TMEM267: variants seen among roughly 807,000 people sequenced by gnomAD.
TMEM267 encodes the protein transmembrane protein 267, also known as transmembrane protein C5orf28.
A neutral mutation model predicts 19.3 loss-of-function variants in TMEM267; 20 were observed. The ratio of observed to expected loss-of-function variants is 1.04; its 90% CI spans 0.73 to 1.51. The LOEUF (loss-of-function observed/expected upper bound fraction) is 1.51. Among genes scored for constraint, TMEM267 ranks in the 40% most tolerant of loss-of-function variants. The pLI, the probability that TMEM267 is intolerant of heterozygous loss-of-function variation, is 0.00. For synonymous variants in TMEM267, 88 were observed against 90.3 expected (o/e 0.97, Z 0.15); for missense variants, 242 against 261.9 (o/e 0.92, Z 0.52).
In TMEM267 at chr5:43,445,951, A is replaced by G. The variant is rs1742210134; in HGVS notation, c.*271T>C. On this transcript the variant is annotated 3_prime_UTR_variant, in exon 3 of 3. Transcript: ENST00000397080. ...GTTAATCTAAAAGAACTACTAGTAA[A>G]GCCAGATAAATAGAAAAAAACAGTA... 5.3e-6 allele frequency: 1 copy of G among 190,090 alleles called. No homozygotes were observed. The allele number at this position is 190,090 out of a possible 1,614,324, so 11.8% of individuals were successfully genotyped here. A position where few individuals can be genotyped will look rare whatever the true frequency, so the allele number is the denominator to read the frequency against.
rs531778820 is a variant in TMEM267 at position 43,455,740 on chromosome 5, G to C, written c.-74-1697C>G. 1.6e-4 allele frequency among the ~76,000 whole-genome samples: 24 copies of C among 152,192 alleles called. No homozygotes were observed. The South Asian group carries it at 4.1e-3, about 26-fold the overall frequency. The stretch of plus-strand genomic sequence containing the variant: ...TTTTTTTGTTTGTATTTTTAGTAGA[G>C]ATGGGTTTCACCATGTTGGCCAGGC... On this transcript the variant is annotated intron_variant, in intron 1 of 2. Coordinates refer to ENST00000397080, the MANE Select transcript of TMEM267 (RefSeq NM_022483.5).
chr5:43,447,290 A>G (rs1019889344), intron 2 of TMEM267, among the ~76,000 whole-genome samples: 1 of 152,054 alleles, frequency 6.6e-6, no homozygotes, highest in African/African-American at 2.4e-5. Context: ...GGGTTTCACC[A>G]TGTTGGCCAG....
intron 2 of TMEM267, among the ~76,000 whole-genome samples, chr5:43,453,272 G>A (rs1218067078): frequency 6.6e-6 from 1 of 152,246 alleles, no homozygotes; most frequent in Non-Finnish European, 1.5e-5. Context: ...AGGGGGAAAT[G>A]TTAAGTGTGC....
At chr5:43,461,715 A>G (rs1219785507) in intron 1 of TMEM267, among the ~76,000 whole-genome samples, 1 of 152,000 alleles carries the variant, frequency 6.6e-6, no homozygotes, top group East Asian at 1.9e-4. Context: ...TGAAAAGGGG[A>G]GGGAAAAGTG....
At chr5:43,477,856 A>G (rs543268108) in intron 1 of TMEM267, among the ~76,000 whole-genome samples, 1 of 152,362 alleles carries the variant, frequency 6.6e-6, no homozygotes, top group South Asian at 2.1e-4. Flanking sequence ...GCAAGGCTGG[A>G]GAAGACAGAA....
At chr5:43,471,816 C>T (rs1744094884) in intron 1 of TMEM267, among the ~76,000 whole-genome samples, 1 of 152,100 alleles carries the variant, frequency 6.6e-6, no homozygotes, top group Admixed American at 6.6e-5. Context: ...AAACTTAAAT[C>T]TATACTTCAA....
intron 1 of TMEM267, among the ~76,000 whole-genome samples, chr5:43,468,042 A>G (rs192153225): frequency 9.2e-5 from 14 of 151,938 alleles, no homozygotes; most frequent in African/African-American, 3.4e-4. Flanking sequence ...GCCAGTGACC[A>G]AGAGACAGCT....
At chr5:43,455,918 C>A (rs1252044331) in intron 1 of TMEM267, among the ~76,000 whole-genome samples, 1 of 151,616 alleles carries the variant, frequency 6.6e-6, no homozygotes, top group African/African-American at 2.4e-5. Context: ...TCACTACACC[C>A]TTTACCTCCC....
intron 1 of TMEM267, among the ~76,000 whole-genome samples, chr5:43,463,031 T>A (rs547556757): frequency 6.6e-6 from 1 of 151,956 alleles, no homozygotes; most frequent in East Asian, 1.9e-4. Context: ...ACAAAATCGA[T>A]AGACCGCTAG....
intron 2 of TMEM267, among the ~76,000 whole-genome samples, chr5:43,447,965 T>C (rs866710603): frequency 6.6e-6 from 1 of 152,148 alleles, no homozygotes; most frequent in Middle Eastern, 3.2e-3. Flanking sequence ...GAGACACTCT[T>C]TGGAGACTGG....
chr5:43,462,377 T>C (rs1326073601), intron 1 of TMEM267, among the ~76,000 whole-genome samples: 1 of 152,092 alleles, frequency 6.6e-6, no homozygotes, highest in Admixed American at 6.6e-5. Context: ...GCCCAGACAC[T>C]GAAGAACATC....
At chr5:43,473,139 C>CAAAAAAAAAAAAAA (rs71610311) in intron 1 of TMEM267, among the ~76,000 whole-genome samples, 1 of 84,506 alleles carries the variant, frequency 1.2e-5, no homozygotes, top group African/African-American at 4.6e-5. Context: ...CTCCGTGTCA[C>CAAAAAAAAAAAAAA]AAAAAAAAAA....
intron 2 of TMEM267, among the ~76,000 whole-genome samples, chr5:43,452,553 G>A (rs549091002): frequency 4.1e-5 from 6 of 145,276 alleles, no homozygotes; most frequent in African/African-American, 1.3e-4. Flanking sequence ...ATACATACAC[G>A]TTATACAACT....
At chr5:43,453,502 G>A (rs927471708) in intron 2 of TMEM267, among the ~76,000 whole-genome samples, 156 bp downstream of exon 2, 10 of 152,208 alleles carry the variant, frequency 6.6e-5, no homozygotes, top group African/African-American at 2.2e-4. Flanking sequence ...ATGTCTGTGT[G>A]CATCTTTAGG....
chr5:43,482,414 A>T lies in TMEM267; in HGVS notation c.-75+1408T>A, dbSNP rs552079035. ...CCTAAGGGTACCCATTTTTCTTCTT[A>T]AACTTTTTATTTCCTTTTCCACTTC... is the stretch of plus-strand genomic sequence containing the variant. On this transcript the variant is annotated intron_variant, in intron 1 of 2. Transcript: ENST00000397080. 2.6e-5 allele frequency among the ~76,000 whole-genome samples: 4 copies of T among 152,178 alleles called. No homozygotes were observed. The East Asian group carries it at 7.7e-4, about 29-fold the overall frequency.
rs150588330 is a variant in TMEM267 at position 43,478,460 on chromosome 5, G to A, written c.-75+5362C>T. On this transcript the variant is annotated intron_variant, in intron 1 of 2. Transcript: ENST00000397080. Reference sequence around the variant, plus strand: ...TTCTACATAGTCCAGCTAACTAGAGGAGCCCAAAAATATTTTAAAAAATCT... The same window carrying A: ...TTCTACATAGTCCAGCTAACTAGAGAAGCCCAAAAATATTTTAAAAAATCT... Among the ~76,000 whole-genome samples, 781 of 152,144 alleles carry A rather than the reference G, an allele frequency of 5.1e-3. 7 individuals carry two copies. The highest frequency in any genetic ancestry group is 0.017 in the African/African-American group (686 of 41,516).
At chr5:43,461,422 G>C (rs1253611660) in intron 1 of TMEM267, among the ~76,000 whole-genome samples, 1 of 152,132 alleles carries the variant, frequency 6.6e-6, no homozygotes, top group Non-Finnish European at 1.5e-5. Flanking sequence ...AACTAAAGGG[G>C]ACTTTGCCTT....
Position 43,455,772 on chromosome 5 carries a change from C to T in TMEM267, c.-74-1729G>A, listed in dbSNP as rs144068467. ...TTCACCATGTTGGCCAGGCTGGTTT[C>T]GAACTTCTGACCTCAAGTGATCCAC... On this transcript the variant is annotated intron_variant, in intron 1 of 2. Transcript: ENST00000397080. 8.4e-4 allele frequency among the ~76,000 whole-genome samples: 128 copies of T among 152,202 alleles called. 1 individual carries two copies. Among genetic ancestry groups the T allele is most frequent in the African/African-American group, 3.0e-3 (123 of 41,518 alleles).
chr5:43,468,853 T>C (rs936180725), intron 1 of TMEM267, among the ~76,000 whole-genome samples: 5 of 152,130 alleles, frequency 3.3e-5, no homozygotes, highest in Admixed American at 6.5e-5. Flanking sequence ...TTAACAAAAA[T>C]TGAATTAATA....
Sources: allele counts gnomAD v4.1 joint callset (sites outside exome capture counted in the v4.1 genomes callset), GRCh38; gene constraint gnomAD v4.1.1; transcripts MANE v1.5; gene names NCBI Gene and HGNC (gene_info 2026-07-23, HGNC 2026-07-21).